ABCB4: variants seen among roughly 807,000 people sequenced by gnomAD.
ABCB4 encodes phosphatidylcholine translocator ABCB4.
Under a neutral mutation model 145.7 loss-of-function variants are expected in ABCB4, and 76 were observed. The ratio of observed to expected loss-of-function variants is 0.52; its 90% CI spans 0.43 to 0.63. ABCB4 has a LOEUF of 0.63. Among genes scored for constraint, ABCB4 ranks in the 30% least tolerant of loss-of-function variants. The pLI is 0.00. For synonymous variants in ABCB4, 517 were observed against 566.8 expected (o/e 0.91, Z 1.25); for missense variants, 1,234 against 1,553.1 (o/e 0.79, Z 3.45).
Position 87,431,411 on chromosome 7 carries a change from T to G in ABCB4, c.1886A>C (p.Asn629Thr), listed in dbSNP as rs77961715. The change falls in exon 15 of 28, where the codon AAC becomes ACC. Residue 629 changes from asparagine to threonine, a missense_variant. Physicochemically the swap from Asn to Thr is moderately conservative, Grantham distance 65. Coordinates refer to ENST00000649586, the MANE Select transcript of ABCB4 (RefSeq NM_000443.4). ...KKEGVYFKLVNMQTSGSQIQS... is the reference protein window; with the variant it reads ...KKEGVYFKLVTMQTSGSQIQS... ...TTCCTGAAAAGCAAGTACCTGCATG[T>G]TGACAAGTTTGAAGTACACCCCTTC... 1.2e-6 allele frequency: 2 copies of G among 1,614,112 alleles called. No homozygotes were observed. The highest frequency in any genetic ancestry group is 3.3e-5 in the Admixed American group (2 of 60,016).
At chr7:87,452,070 A>AT (rs764354703) in intron 6 of ABCB4, among the ~76,000 whole-genome samples, 18 of 152,234 alleles carry the variant, frequency 1.2e-4, no homozygotes, top group Non-Finnish European at 2.4e-4. Context: ...GAGCATAAAA[A>AT]TGTATCTGTT....
intron 27 of ABCB4, 144 bp downstream of exon 27, chr7:87,402,991 G>C: frequency 1.1e-6 from 1 of 923,800 alleles, no homozygotes; most frequent in Non-Finnish European, 1.7e-6. Flanking sequence ...ACGAGACCCC[G>C]TCTCAAAAAA....
At chr7:87,454,406 G>A (rs1417302188) in intron 5 of ABCB4, 129 bp downstream of exon 5, 4 of 738,970 alleles carry the variant, frequency 5.4e-6, no homozygotes, top group Non-Finnish European at 8.9e-6. Context: ...TTGGGATTTG[G>A]GAGCAAAAAT....
intron 15 of ABCB4, among the ~76,000 whole-genome samples, chr7:87,430,790 G>T (rs1340937859): frequency 1.3e-5 from 2 of 152,148 alleles, no homozygotes; most frequent in Non-Finnish European, 2.9e-5. Flanking sequence ...GCCTCCCAAA[G>T]TGCTGGGATT....
chr7:87,432,277 A>G (rs978425411), intron 14 of ABCB4, among the ~76,000 whole-genome samples: 4 of 152,200 alleles, frequency 2.6e-5, no homozygotes, highest in Non-Finnish European at 5.9e-5. Context: ...TATTGATATT[A>G]TGTCATTAAT....
At chr7:87,414,965 A>G (rs983183578) in intron 21 of ABCB4, among the ~76,000 whole-genome samples, 2 of 152,186 alleles carry the variant, frequency 1.3e-5, no homozygotes, top group African/African-American at 4.8e-5. Context: ...TCTAAAGTTA[A>G]TAAGTAGCAA....
Position 87,431,417 on chromosome 7 carries a change from A to T in ABCB4, c.1880T>A (p.Leu627His). The change falls in exon 15 of 28, where the codon CTT (leucine) becomes CAT (histidine). Residue 627 changes from leucine (L) to histidine (H), a missense_variant. This residue lies in a region of ABCB4 where 321 missense variants were observed against 332.6 expected (regional missense o/e 0.97). Transcript: ENST00000649586. ...AAAAGCAAGTACCTGCATGTTGACA[A>T]GTTTGAAGTACACCCCTTCCTTCTT... ...LMKKEGVYFK[L>H]VNMQTSGSQI... 1 of 1,614,100 alleles carries T rather than the reference A, an allele frequency of 6.2e-7. No individual in the cohort carries two copies. The highest frequency in any genetic ancestry group is 8.5e-7 in the Non-Finnish European group (1 of 1,179,966).
At chr7:87,418,733 C>T (rs1933584851) in intron 19 of ABCB4, 113 bp from the exon 20 acceptor site, 1 of 924,048 alleles carries the variant, frequency 1.1e-6, no homozygotes, top group Admixed American at 2.0e-5. Context: ...ACCTCATATG[C>T]AGTGTAGAGT....
chr7:87,392,471 A>T, the ABCB4 span: 1 of 916,842 alleles, frequency 1.1e-6, no homozygotes, highest in South Asian at 1.5e-5. Flanking sequence ...TCCTCTCCCA[A>T]ATTACCCCAA....
chr7:87,442,751 C>T (rs1188038410), intron 12 of ABCB4, among the ~76,000 whole-genome samples: 1 of 152,070 alleles, frequency 6.6e-6, no homozygotes, highest in African/African-American at 2.4e-5. Context: ...TCTCTAGTTA[C>T]AATTTTCTGT....
At chr7:87,466,991 C>T (rs1812951118) in intron 3 of ABCB4, among the ~76,000 whole-genome samples, 1 of 152,166 alleles carries the variant, frequency 6.6e-6, no homozygotes, top group Admixed American at 6.5e-5. Flanking sequence ...ACTGCATCAA[C>T]TAATGAGCAA....
chr7:87,365,987 C>T, the ABCB4 span, among the ~76,000 whole-genome samples: 1 of 152,150 alleles, frequency 6.6e-6, no homozygotes, highest in African/African-American at 2.4e-5. Context: ...CTGTTTACCA[C>T]ATTTACACAA....
chr7:87,405,245 C>A (rs1455421641), intron 26 of ABCB4, among the ~76,000 whole-genome samples: 1 of 152,038 alleles, frequency 6.6e-6, no homozygotes, highest in Non-Finnish European at 1.5e-5. Flanking sequence ...AAAAGTTAAT[C>A]CCAAAAGTTT....
chr7:87,387,777 C>T, the ABCB4 span, among the ~76,000 whole-genome samples: 1 of 152,222 alleles, frequency 6.6e-6, no homozygotes. Context: ...CATGGTAAAA[C>T]CCCATCTCTA....
At chr7:87,369,838 G>T in the ABCB4 span, 4 of 148,396 alleles carry the variant, frequency 2.7e-5, no homozygotes, top group South Asian at 8.4e-4. Context: ...TATATAATAT[G>T]TATTATATAT....
chr7:87,402,839 A>G (rs1807896320), intron 27 of ABCB4, among the ~76,000 whole-genome samples: 1 of 152,106 alleles, frequency 6.6e-6, no homozygotes, highest in South Asian at 2.1e-4. Context: ...TCTCTACTAA[A>G]AATACAAAAA....
the ABCB4 span, among the ~76,000 whole-genome samples, chr7:87,371,342 T>C: frequency 2.0e-5 from 3 of 152,230 alleles, no homozygotes; most frequent in African/African-American, 7.2e-5. Flanking sequence ...AATGTAATCT[T>C]TCCATATTGG....
At chr7:87,374,576 A>G in the ABCB4 span, among the ~76,000 whole-genome samples, 1 of 152,092 alleles carries the variant, frequency 6.6e-6, no homozygotes, top group Non-Finnish European at 1.5e-5. Flanking sequence ...ATCAGTAGTT[A>G]CTAAAGAAAG....
chr7:87,366,435 T>C, the ABCB4 span, among the ~76,000 whole-genome samples: 2 of 152,310 alleles, frequency 1.3e-5, no homozygotes, highest in Admixed American at 1.3e-4. Flanking sequence ...CCTTCATCTA[T>C]TGATTGCTTT....
Sources: allele counts gnomAD v4.1 joint callset (sites outside exome capture counted in the v4.1 genomes callset), GRCh38; gene constraint gnomAD v4.1.1; regional missense constraint gnomAD v4.1.1; transcripts MANE v1.5; gene names NCBI Gene and HGNC (gene_info 2026-07-23, HGNC 2026-07-21).